WWOX: variants seen among roughly 807,000 people sequenced by gnomAD.
WWOX encodes WW domain-containing oxidoreductase.
A neutral mutation model predicts 46.2 loss-of-function variants in WWOX; 69 were observed. That is an observed-to-expected ratio of 1.49 (90% confidence interval 1.23 to 1.82). The LOEUF is 1.82. Among genes scored for constraint, WWOX ranks in the 40% most tolerant of loss-of-function variants. The pLI is 0.00. For missense variants in WWOX, 919 were observed against 542.6 expected, an observed-to-expected ratio of 1.69 and a Z score of -6.89; for synonymous variants, 359 against 202.6, an observed-to-expected ratio of 1.77 and a Z score of -6.56.
At chr16:79,149,920 T>C (rs1255814853) in intron 8 of WWOX, among the ~76,000 whole-genome samples, 1 of 152,122 alleles carries the variant, frequency 6.6e-6, no homozygotes, top group East Asian at 1.9e-4. Context: ...AACCCACCCA[T>C]CCACATCACT....
intron 8 of WWOX, among the ~76,000 whole-genome samples, chr16:78,480,110 T>C (rs987489770): frequency 6.6e-6 from 1 of 152,230 alleles, no homozygotes; most frequent in Non-Finnish European, 1.5e-5. Flanking sequence ...GGAGCTTCAC[T>C]GTCCAATATG....
intron 8 of WWOX, among the ~76,000 whole-genome samples, chr16:79,037,502 T>C (rs1261311695): frequency 6.6e-6 from 1 of 152,094 alleles, no homozygotes; most frequent in East Asian, 1.9e-4. Context: ...AGTCTAGGAC[T>C]CAGCAGCTGT....
chr16:78,783,430 T>C (rs1179064804), intron 8 of WWOX, among the ~76,000 whole-genome samples: 2 of 152,030 alleles, frequency 1.3e-5, no homozygotes, highest in Non-Finnish European at 2.9e-5. Context: ...AGGAAGGAGT[T>C]TGTACCCACA....
intron 8 of WWOX, among the ~76,000 whole-genome samples, chr16:78,784,984 C>T (rs1265839408): frequency 6.6e-6 from 1 of 152,078 alleles, no homozygotes. Context: ...GCAGGAGCAG[C>T]CAGAGGAACA....
chr16:79,080,367 G>T (rs534984162), intron 8 of WWOX, among the ~76,000 whole-genome samples: 12 of 152,306 alleles, frequency 7.9e-5, no homozygotes, highest in African/African-American at 2.2e-4. Context: ...CGTCGCAGAA[G>T]ATCAGGAATT....
At chr16:78,745,205 G>A (rs1236106156) in intron 8 of WWOX, among the ~76,000 whole-genome samples, 1 of 152,172 alleles carries the variant, frequency 6.6e-6, no homozygotes, top group Non-Finnish European at 1.5e-5. Flanking sequence ...GAAGAACTCA[G>A]TATTAAGGCA....
chr16:78,973,329 C>G (rs1437375505), intron 8 of WWOX, among the ~76,000 whole-genome samples: 1 of 152,002 alleles, frequency 6.6e-6, no homozygotes, highest in Non-Finnish European at 1.5e-5. Context: ...TGGAGACAGC[C>G]GGGTAGACTG....
chr16:78,423,719 C>T (rs2083006710), intron 6 of WWOX, among the ~76,000 whole-genome samples: 2 of 151,746 alleles, frequency 1.3e-5, no homozygotes, highest in Middle Eastern at 6.8e-3. Context: ...GGTGGTGTGC[C>T]CCTGTAGTCC....
intron 8 of WWOX, among the ~76,000 whole-genome samples, chr16:79,011,504 T>TTTAG (rs1461373991): frequency 1.4e-5 from 2 of 147,800 alleles, no homozygotes; most frequent in Non-Finnish European, 3.0e-5. Context: ...TATTTATTTA[T>TTTAG]TTTTTGAGAC....
Position 78,661,403 on chromosome 16 carries a change from AT to A in WWOX, c.1056+228660del, listed in dbSNP as rs34875000. The stretch of plus-strand genomic sequence containing the variant: ...TGTAGTCCAATCCCTAAGCTGGGCA[AT>A]TTTTTTTTCCCCTTTCAATACATCA... On this transcript the variant is annotated intron_variant, in intron 8 of 8. Transcript: ENST00000566780. 1.5e-3 allele frequency among the ~76,000 whole-genome samples: 232 copies of A among 151,666 alleles called. 1 individual carries two copies. Among genetic ancestry groups the A allele is most frequent in the Middle Eastern group, 3.4e-3 (1 of 294 alleles).
chr16:79,053,209 C>G (rs1406515440), intron 8 of WWOX, among the ~76,000 whole-genome samples: 1 of 152,036 alleles, frequency 6.6e-6, no homozygotes, highest in Non-Finnish European at 1.5e-5. Flanking sequence ...ATGGGGAGGC[C>G]AGGGTGTGTT....
chr16:78,736,557 TTCTTC>T (rs1326735874), intron 8 of WWOX, among the ~76,000 whole-genome samples: 21 of 150,812 alleles, frequency 1.4e-4, no homozygotes, highest in Admixed American at 2.0e-4. Flanking sequence ...TGTTTTCCTT[TTCTTC>T]TCTTCTCTTT....
intron 8 of WWOX, among the ~76,000 whole-genome samples, chr16:78,598,486 C>A (rs1049121235): frequency 2.6e-4 from 39 of 152,136 alleles, no homozygotes; most frequent in Non-Finnish European, 4.4e-4. Context: ...TGCTCTGATA[C>A]AATTCAGCAA....
At chr16:79,115,587 C>T (rs1484992858) in intron 8 of WWOX, among the ~76,000 whole-genome samples, 1 of 152,142 alleles carries the variant, frequency 6.6e-6, no homozygotes, top group Non-Finnish European at 1.5e-5. Flanking sequence ...CAGAAAAAGC[C>T]CAGTTCTTCT....
chr16:78,970,084 G>C (rs895277011), intron 8 of WWOX, among the ~76,000 whole-genome samples: 1 of 152,124 alleles, frequency 6.6e-6, no homozygotes, highest in Non-Finnish European at 1.5e-5. Context: ...AATTTCCCAA[G>C]TGCCCTCATT....
intron 8 of WWOX, among the ~76,000 whole-genome samples, chr16:78,946,531 C>T (rs747710680): frequency 8.5e-5 from 13 of 152,050 alleles, no homozygotes; most frequent in Non-Finnish European, 1.9e-4. Context: ...TTTCTAGATG[C>T]ACACAAAATG....
At chr16:78,551,950 G>A (rs2044184163) in intron 8 of WWOX, 1 of 152,214 alleles carries the variant, frequency 6.6e-6, no homozygotes, top group South Asian at 2.1e-4. Flanking sequence ...GCAAAGGCAG[G>A]GAGACTTTGA....
intron 5 of WWOX, among the ~76,000 whole-genome samples, chr16:78,319,002 A>T (rs1408639564): frequency 6.6e-6 from 1 of 152,200 alleles, no homozygotes; most frequent in Non-Finnish European, 1.5e-5. Flanking sequence ...ATGAAATTCA[A>T]GTTACTGATC....
Position 78,919,118 on chromosome 16 carries a change from C to G in WWOX, c.1057-292490C>G, listed in dbSNP as rs374986108. Among the ~76,000 whole-genome samples the G allele has an allele frequency of 8.5e-5, 13 of 152,244 alleles. No individual in the cohort carries two copies. The East Asian group carries it at 2.1e-3, about 25-fold the overall frequency. On this transcript the variant is annotated intron_variant, in intron 8 of 8. Transcript: ENST00000566780. ...AATTAATAACTCACTTGAGATCCTACTAAACAACACACGGAACAATGACCG... is the reference window on the plus strand; with the variant it reads ...AATTAATAACTCACTTGAGATCCTAGTAAACAACACACGGAACAATGACCG...
Sources: gnomAD v4.1 joint callset for allele counts (sites outside exome capture counted in the v4.1 genomes callset) on GRCh38, gnomAD v4.1.1 for gene constraint, MANE v1.5 for transcripts, NCBI Gene and HGNC (gene_info 2026-07-23, HGNC 2026-07-21) for gene names.